Variants in INTS15 observed in about 807,000 individuals in gnomAD.
INTS15 encodes uncharacterized protein C7orf26.
the INTS15 span, among the ~76,000 whole-genome samples, chr7:6,604,451 A>G: frequency 8.5e-5 from 13 of 152,160 alleles, no homozygotes; most frequent in South Asian, 2.1e-4. Flanking sequence ...GCACATGGAC[A>G]GGGTTTATAG....
chr7:6,599,500 G>A, the INTS15 span, among the ~76,000 whole-genome samples: 2 of 152,196 alleles, frequency 1.3e-5, no homozygotes, highest in Admixed American at 1.3e-4. Flanking sequence ...TAGAAAAACC[G>A]TGGAATTTTA....
At chr7:6,603,693 G>A in the INTS15 span, among the ~76,000 whole-genome samples, 2 of 152,152 alleles carry the variant, frequency 1.3e-5, no homozygotes, top group African/African-American at 2.4e-5. Context: ...ACAAAAGTTA[G>A]CCAGGCATGG....
chr7:6,592,798 C>A, the INTS15 span, among the ~76,000 whole-genome samples: 1 of 151,708 alleles, frequency 6.6e-6, no homozygotes, highest in African/African-American at 2.4e-5. Context: ...TTTGTAGAGA[C>A]AGGGTTTCAC....
At chr7:6,594,313 C>T in the INTS15 span, 19 of 993,370 alleles carry the variant, frequency 1.9e-5, no homozygotes, top group Admixed American at 1.2e-4. Flanking sequence ...GCCCCATTAA[C>T]ATCTTTTTTT....
the INTS15 span, chr7:6,608,076 A>ACCCCCCCCCCCCCCCC: frequency 1.7e-6 from 2 of 1,143,486 alleles, no homozygotes; most frequent in Non-Finnish European, 2.4e-6. Context: ...GTCCCGGCCC[A>ACCCCCCCCCCCCCCCC]CCCCGCCGCC....
chr7:6,600,397 C>T, the INTS15 span: 2 of 1,563,274 alleles, frequency 1.3e-6, no homozygotes, highest in South Asian at 1.1e-5. Context: ...TGCGGGGACA[C>T]CGCCGCCCTG....
the INTS15 span, chr7:6,590,508 C>G: frequency 6.3e-5 from 95 of 1,514,180 alleles, no homozygotes; most frequent in Non-Finnish European, 8.3e-5. Flanking sequence ...TCCCGGGCCC[C>G]GCAGGCGGGC....
At chr7:6,602,557 G>T in the INTS15 span, 1 of 412,540 alleles carries the variant, frequency 2.4e-6, no homozygotes, top group African/African-American at 2.0e-5. Context: ...TTCTGGGCGC[G>T]GCCCTGTCTG....
At chr7:6,595,410 C>G in the INTS15 span, among the ~76,000 whole-genome samples, 1 of 152,258 alleles carries the variant, frequency 6.6e-6, no homozygotes, top group East Asian at 1.9e-4. Context: ...GCAGTCCTCC[C>G]ACCTCGGCCT....
the INTS15 span, chr7:6,591,815 C>T: frequency 1.9e-6 from 3 of 1,614,020 alleles, no homozygotes; most frequent in Non-Finnish European, 2.5e-6. Context: ...GTCTCCATGG[C>T]GGTGGCTGTG....
the INTS15 span, chr7:6,607,710 G>A: frequency 6.6e-7 from 1 of 1,519,476 alleles, no homozygotes. The surrounding 1 kb of genome is among the most constrained non-coding windows in gnomAD (Gnocchi z 6.0). Flanking sequence ...TGGGCTGCGC[G>A]CCCGGGAGTG....
the INTS15 span, among the ~76,000 whole-genome samples, chr7:6,597,299 G>GT: frequency 8.4e-3 from 1,202 of 142,760 alleles, 7 homozygotes; most frequent in African/African-American, 0.016. Context: ...TGGCTTTTTG[G>GT]TTTTTTTTTT....
chr7:6,602,764 G>A, the INTS15 span: 16 of 470,958 alleles, frequency 3.4e-5, no homozygotes, highest in African/African-American at 3.0e-4. Flanking sequence ...TGAAAAGTGG[G>A]AACTGTGGTC....
the INTS15 span, chr7:6,608,317 AC>A: frequency 4.2e-6 from 6 of 1,429,248 alleles, no homozygotes; most frequent in Non-Finnish European, 5.5e-6. Context: ...GGTGCTTCCC[AC>A]CCGGTCGCAT....
the INTS15 span, among the ~76,000 whole-genome samples, chr7:6,590,848 T>C: frequency 1.3e-5 from 2 of 152,038 alleles, no homozygotes; most frequent in Non-Finnish European, 2.9e-5. Context: ...CTCTGCCTTT[T>C]TTTTTTTCGA....
At chr7:6,600,686 C>T in the INTS15 span, among the ~76,000 whole-genome samples, 1 of 152,168 alleles carries the variant, frequency 6.6e-6, no homozygotes. Flanking sequence ...GCGACGGAGT[C>T]TCACGCTGTT....
the INTS15 span, among the ~76,000 whole-genome samples, chr7:6,592,735 A>G: frequency 6.6e-6 from 1 of 151,124 alleles, no homozygotes; most frequent in South Asian, 2.1e-4. Flanking sequence ...CAGCCCTCCA[A>G]GTAGCTGGGA....
At chr7:6,590,300 A>G in the INTS15 span, 6 of 1,574,502 alleles carry the variant, frequency 3.8e-6, no homozygotes, top group Non-Finnish European at 5.1e-6. Context: ...GACATCCGCC[A>G]CTCGCTGCTG....
At chr7:6,593,538 G>T in the INTS15 span, among the ~76,000 whole-genome samples, 1 of 151,556 alleles carries the variant, frequency 6.6e-6, no homozygotes, top group African/African-American at 2.4e-5. Context: ...GTTTCACTGT[G>T]TTAGCCAGGA....
Sources: allele counts gnomAD v4.1 joint callset (sites outside exome capture counted in the v4.1 genomes callset), GRCh38; gene constraint gnomAD v4.1.1; non-coding constraint Gnocchi (gnomAD v3.1); transcripts MANE v1.5; gene names NCBI Gene and HGNC (gene_info 2026-07-23, HGNC 2026-07-21).